The following PCDH9 variants were observed in gnomAD, a reference collection of about 807,000 sequenced individuals.
PCDH9 encodes protocadherin-9.
Under a neutral mutation model 70.6 loss-of-function variants are expected in PCDH9, and 24 were observed. The observed-to-expected ratio is 0.34, with a 90% CI of 0.25 to 0.48. The LOEUF (loss-of-function observed/expected upper bound fraction) is 0.48, where lower values mean the gene tolerates loss of function less well. Ranked by LOEUF, PCDH9 falls within the 20% of genes least tolerant of loss-of-function variation. The probability of loss-of-function intolerance (pLI) is 0.99; values close to 1 mark genes in which losing one functional copy is unlikely to be tolerated. For missense variants in PCDH9, 1,281 were observed against 1,503.6 expected, an observed-to-expected ratio of 0.85 and a Z score of 2.45; for synonymous variants, 562 against 558.5, an observed-to-expected ratio of 1.01 and a Z score of -0.09.
chr13:66,516,049 C>A (rs1487822699), intron 4 of PCDH9, among the ~76,000 whole-genome samples: 1 of 151,942 alleles, frequency 6.6e-6, no homozygotes, highest in Non-Finnish European at 1.5e-5. Flanking sequence ...TTCTTAACAC[C>A]ATTTGAAATA....
chr13:67,047,639 A>AATGTAAC lies in PCDH9; in HGVS notation c.3037-144041_3037-144035dup, dbSNP rs1188443705. Among the ~76,000 whole-genome samples, 3 of 152,182 alleles carry AATGTAAC rather than the reference A, an allele frequency of 2.0e-5. No individual in the cohort carries two copies. The East Asian group carries it at 5.8e-4, about 29-fold the overall frequency. On this transcript the variant is annotated intron_variant, in intron 2 of 4. Transcript: ENST00000377865. The stretch of plus-strand genomic sequence containing the variant: ...TCATAGATAAATTCAGGGAGGAGTT[A>AATGTAAC]ATGTAACGCCTTTTAGTAAAATTAA...
chr13:66,769,213 A>G (rs1029663257), intron 3 of PCDH9, among the ~76,000 whole-genome samples: 9 of 152,102 alleles, frequency 5.9e-5, no homozygotes, highest in Non-Finnish European at 1.3e-4. Flanking sequence ...AATAAAGTGA[A>G]ATATGAAAAA....
chr13:66,953,075 T>C (rs1359207048), intron 2 of PCDH9, among the ~76,000 whole-genome samples: 1 of 140,600 alleles, frequency 7.1e-6, no homozygotes, highest in East Asian at 3.2e-4. Flanking sequence ...AATATTTCTA[T>C]AGTCAAAAAA....
intron 4 of PCDH9, among the ~76,000 whole-genome samples, chr13:66,498,102 G>A (rs1007505928): frequency 1.1e-4 from 16 of 151,272 alleles, no homozygotes; most frequent in Middle Eastern, 3.5e-3. Flanking sequence ...TTACAGGCGT[G>A]AGCCACCACG....
At position 66,779,873 on chromosome 13, in the gene PCDH9, A is replaced by ACATATGTGTG. The variant is rs1555268249; in HGVS notation, c.3138+123630_3138+123631insCACACATATG. ...TCTATATATATATATATATACATAT[A>ACATATGTGTG]TGTGTGTGTGTGTGTGTGTGTGTGT... On this transcript the variant is annotated intron_variant, in intron 3 of 4. Transcript: ENST00000377865. Among the ~76,000 whole-genome samples, 8 of 115,874 alleles carry ACATATGTGTG rather than the reference A, an allele frequency of 6.9e-5. No individual in the cohort carries two copies. In the South Asian group the frequency reaches 1.5e-3, roughly 22 times the overall value. The allele number at this position is 115,874 out of a possible 152,430, so 76.0% of individuals were successfully genotyped here. A position where few individuals can be genotyped will look rare whatever the true frequency, so the allele number is the denominator to read the frequency against.
intron 4 of PCDH9, among the ~76,000 whole-genome samples, chr13:66,613,213 G>A (rs1161203378): frequency 6.6e-6 from 1 of 152,120 alleles, no homozygotes; most frequent in Non-Finnish European, 1.5e-5. Flanking sequence ...CCGGCTGTTT[G>A]GAACCAGCCA....
chr13:66,936,014 G>A (rs2082910237), intron 2 of PCDH9, among the ~76,000 whole-genome samples: 1 of 152,162 alleles, frequency 6.6e-6, no homozygotes, highest in Non-Finnish European at 1.5e-5. Flanking sequence ...GAATCCAGGG[G>A]GCAGAGGTTC....
In PCDH9 at chr13:66,907,209, G is replaced by GA. The variant is rs1200906735; in HGVS notation, c.3037-3605dup. 3.3e-5 allele frequency among the ~76,000 whole-genome samples: 5 copies of GA among 151,582 alleles called. No individual in the cohort carries two copies. The East Asian group carries it at 5.8e-4, about 18-fold the overall frequency. On this transcript the variant is annotated intron_variant, in intron 2 of 4. Transcript: ENST00000377865. ...ACAGAACGAGATTCTGCCTCAAAAA[G>GA]AAAAAAATAAAATAAAAAACTCTCA...
chr13:66,856,175 G>A (rs1320336998), intron 3 of PCDH9, among the ~76,000 whole-genome samples: 2 of 151,942 alleles, frequency 1.3e-5, no homozygotes, highest in Admixed American at 1.3e-4. Flanking sequence ...AAGTGATAGT[G>A]TCTTGGTAAT....
intron 4 of PCDH9, among the ~76,000 whole-genome samples, chr13:66,444,099 C>A (rs1232647921): frequency 6.6e-6 from 1 of 152,088 alleles, no homozygotes; most frequent in Non-Finnish European, 1.5e-5. Flanking sequence ...TTACAGAGAG[C>A]CAGTTGTGCC....
intron 2 of PCDH9, among the ~76,000 whole-genome samples, chr13:66,907,310 T>C (rs1456713213): frequency 6.6e-6 from 1 of 152,248 alleles, no homozygotes; most frequent in African/African-American, 2.4e-5. Context: ...ATGGGTAAGA[T>C]GCATTTGCTA....
intron 3 of PCDH9, among the ~76,000 whole-genome samples, chr13:66,809,475 G>C (rs1259940494): frequency 2.0e-5 from 3 of 152,050 alleles, no homozygotes; most frequent in African/African-American, 7.2e-5. Flanking sequence ...TACCAAATCT[G>C]TAGTCAAAGT....
intron 4 of PCDH9, among the ~76,000 whole-genome samples, chr13:66,568,859 T>C (rs1477282772): frequency 6.6e-6 from 1 of 151,788 alleles, no homozygotes; most frequent in Admixed American, 6.6e-5. Context: ...TAATGGAAGT[T>C]CTGGAGGGGT....
chr13:67,220,149 A>T (rs1480927061), intron 2 of PCDH9: 1 of 152,014 alleles, frequency 6.6e-6, no homozygotes, highest in Non-Finnish European at 1.5e-5. Context: ...AACCGAAAAA[A>T]AAAAATTAGA....
At chr13:66,930,883 C>T (rs976653906) in intron 2 of PCDH9, among the ~76,000 whole-genome samples, 1 of 152,152 alleles carries the variant, frequency 6.6e-6, no homozygotes, top group Admixed American at 6.5e-5. Context: ...CAATGACCTC[C>T]ATATAAGAAG....
intron 4 of PCDH9, among the ~76,000 whole-genome samples, chr13:66,376,363 T>C (rs1293424217): frequency 6.6e-6 from 1 of 152,172 alleles, no homozygotes; most frequent in Admixed American, 6.6e-5. Context: ...CTGAGTTAAG[T>C]ATTTTTGTTT....
At chr13:66,448,398 T>C (rs1958140105) in intron 4 of PCDH9, among the ~76,000 whole-genome samples, 2 of 152,292 alleles carry the variant, frequency 1.3e-5, no homozygotes, top group Non-Finnish European at 1.5e-5. Flanking sequence ...CAGGCCCTAA[T>C]TAGAGTACTG....
At chr13:67,181,848 C>A (rs1375279608) in intron 2 of PCDH9, among the ~76,000 whole-genome samples, 2 of 152,216 alleles carry the variant, frequency 1.3e-5, no homozygotes, top group East Asian at 1.9e-4. Flanking sequence ...ATGGTTTATT[C>A]TCTGTCTTCT....
At chr13:66,857,242 G>A (rs2081409302) in intron 3 of PCDH9, among the ~76,000 whole-genome samples, 1 of 152,144 alleles carries the variant, frequency 6.6e-6, no homozygotes, top group Non-Finnish European at 1.5e-5. Context: ...GCTGTTGAGA[G>A]AGGTGTGCTT....
Sources: allele counts gnomAD v4.1 joint callset (sites outside exome capture counted in the v4.1 genomes callset), GRCh38; gene constraint gnomAD v4.1.1; transcripts MANE v1.5; gene names NCBI Gene and HGNC (gene_info 2026-07-23, HGNC 2026-07-21).